Variants in TMEM232 observed in about 807,000 individuals in gnomAD.
TMEM232 encodes the protein transmembrane protein 232.
A neutral mutation model predicts 78.8 loss-of-function variants in TMEM232; 80 were observed. The observed-to-expected ratio is 1.01, with a 90% CI of 0.85 to 1.22. TMEM232 has a LOEUF of 1.22. TMEM232 is among the 50% of genes most tolerant of loss of function. TMEM232 has a pLI of 0.00. For missense variants in TMEM232, 881 were observed against 742.2 expected (o/e 1.19, Z -2.17); for synonymous variants, 297 against 254.3 (o/e 1.17, Z -1.60).
chr5:110,591,286 G>T (rs1368581473), intron 10 of TMEM232, among the ~76,000 whole-genome samples: 15 of 151,838 alleles, frequency 9.9e-5, no homozygotes, highest in Admixed American at 9.9e-4. Flanking sequence ...GGCAAAACCT[G>T]GTCTCTACTA....
At chr5:110,516,397 G>GT in intron 12 of TMEM232, among the ~76,000 whole-genome samples, 1 of 152,266 alleles carries the variant, frequency 6.6e-6, no homozygotes, top group Non-Finnish European at 1.5e-5. Context: ...AGAAACCTCA[G>GT]AAGTAACAAA....
intron 2 of TMEM232, among the ~76,000 whole-genome samples, chr5:110,649,690 A>T (rs2150052282): frequency 6.6e-6 from 1 of 152,246 alleles, no homozygotes; most frequent in South Asian, 2.1e-4. Flanking sequence ...CCTAACTACT[A>T]GCATTCCTGA....
intron 12 of TMEM232, among the ~76,000 whole-genome samples, chr5:110,507,216 AT>A (rs1222619786): frequency 6.6e-6 from 1 of 152,146 alleles, no homozygotes; most frequent in African/African-American, 2.4e-5. Flanking sequence ...GTTGTGAATT[AT>A]TTTGTGTGAC....
At chr5:110,699,442 T>A (rs1347487347) in intron 1 of TMEM232, among the ~76,000 whole-genome samples, 1 of 152,140 alleles carries the variant, frequency 6.6e-6, no homozygotes, top group East Asian at 1.9e-4. Context: ...CCAACATCAT[T>A]AAAAATGAAA....
chr5:110,704,588 G>A (rs1414012653), intron 1 of TMEM232, among the ~76,000 whole-genome samples: 1 of 151,864 alleles, frequency 6.6e-6, no homozygotes, highest in Non-Finnish European at 1.5e-5. Context: ...CCTCTTACTA[G>A]GAAACCACTA....
intron 12 of TMEM232, among the ~76,000 whole-genome samples, chr5:110,435,672 G>A (rs1378814579): frequency 6.6e-6 from 1 of 151,438 alleles, no homozygotes; most frequent in East Asian, 1.9e-4. Flanking sequence ...CAATTGTTTT[G>A]ATTTTTAGAT....
intron 11 of TMEM232, among the ~76,000 whole-genome samples, chr5:110,558,777 C>T (rs1775412180): frequency 6.6e-6 from 1 of 152,180 alleles, no homozygotes; most frequent in African/African-American, 2.4e-5. Flanking sequence ...ACTCTCCAAG[C>T]AACTATCTCT....
chr5:110,450,333 G>C (rs1760130908), intron 12 of TMEM232, among the ~76,000 whole-genome samples: 1 of 151,756 alleles, frequency 6.6e-6, no homozygotes, highest in Admixed American at 6.6e-5. Context: ...TAGCTGCCTG[G>C]AGCTGTTTTT....
chr5:110,465,845 A>T (rs1762017240), intron 12 of TMEM232, among the ~76,000 whole-genome samples: 1 of 152,176 alleles, frequency 6.6e-6, no homozygotes, highest in Non-Finnish European at 1.5e-5. Context: ...TTCATTTATT[A>T]AGTTAGTTCT....
At chr5:110,503,352 G>T (rs968709932) in intron 12 of TMEM232, among the ~76,000 whole-genome samples, 2 of 152,128 alleles carry the variant, frequency 1.3e-5, no homozygotes, top group African/African-American at 2.4e-5. Context: ...GTTAATCCAA[G>T]AATGAATTTT....
rs1036594 is a variant in TMEM232, at chr5:110,526,333, T to C, written c.1703+2255A>G. Reference sequence around the variant, plus strand: ...CTCTTACCATAGACAGAGAGTCGCATAGATTAATAGATATATAGTCCCAGG... The same window carrying C: ...CTCTTACCATAGACAGAGAGTCGCACAGATTAATAGATATATAGTCCCAGG... On this transcript the variant is annotated intron_variant, in intron 12 of 13. Coordinates refer to ENST00000455884, the MANE Select transcript of TMEM232 (RefSeq NM_001039763.4). Among the ~76,000 whole-genome samples, 1,146 of 150,974 alleles carry C rather than the reference T, an allele frequency of 7.6e-3. 13 individuals carry two copies. The highest frequency in any genetic ancestry group is 0.013 in the Non-Finnish European group (907 of 67,630).
chr5:110,469,190 G>A (rs904297643), intron 12 of TMEM232, among the ~76,000 whole-genome samples: 2 of 152,092 alleles, frequency 1.3e-5, no homozygotes, highest in East Asian at 1.9e-4. Flanking sequence ...TGTGCCCCTC[G>A]CTCAGTGGCC....
chr5:110,614,135 G>A lies in TMEM232; in HGVS notation c.902+4294C>T, dbSNP rs114251629. Reference sequence around the variant, plus strand: ...TTCCTTTCTATTATGAGCAGTCATTGTATTTTTCACTTTACTCTTCTGTTC... The same window carrying A: ...TTCCTTTCTATTATGAGCAGTCATTATATTTTTCACTTTACTCTTCTGTTC... On this transcript the variant is annotated intron_variant, in intron 8 of 13. Transcript: ENST00000455884. Among the ~76,000 whole-genome samples the A allele has an allele frequency of 6.9e-3, 1,051 of 152,128 alleles. 14 individuals carry two copies. Among genetic ancestry groups the A allele is most frequent in the African/African-American group, 0.024 (1,002 of 41,538 alleles).
chr5:110,698,566 C>A (rs1057290306), intron 1 of TMEM232, among the ~76,000 whole-genome samples: 9 of 152,196 alleles, frequency 5.9e-5, no homozygotes, highest in Non-Finnish European at 8.8e-5. Context: ...GAACTCAGTT[C>A]TTGGTACCAG....
chr5:110,729,862 T>C (rs1222010040), upstream of TMEM232, among the ~76,000 whole-genome samples: 1 of 152,166 alleles, frequency 6.6e-6, no homozygotes, highest in African/African-American at 2.4e-5. Context: ...AAGTAACAAA[T>C]TGAGTTTCTG....
intron 2 of TMEM232, among the ~76,000 whole-genome samples, chr5:110,407,453 G>A (rs1408914570): frequency 6.6e-6 from 1 of 152,060 alleles, no homozygotes; most frequent in African/African-American, 2.4e-5. Context: ...TATTGATAAA[G>A]GGGTCAATTT....
chr5:110,423,797 G>T (rs1198941429), intron 13 of TMEM232, among the ~76,000 whole-genome samples: 14 of 151,722 alleles, frequency 9.2e-5, no homozygotes, highest in Admixed American at 9.2e-4. Flanking sequence ...GTGTGTGTGT[G>T]TGTGTGTGTG....
chr5:110,581,305 G>A (rs1279884068), intron 10 of TMEM232, among the ~76,000 whole-genome samples: 3 of 151,864 alleles, frequency 2.0e-5, no homozygotes, highest in Non-Finnish European at 4.4e-5. Context: ...CATGGTACTA[G>A]TACAAAAACA....
At chr5:110,657,674 C>G (rs1243306468) in intron 2 of TMEM232, among the ~76,000 whole-genome samples, 2 of 151,950 alleles carry the variant, frequency 1.3e-5, no homozygotes, top group Non-Finnish European at 2.9e-5. Context: ...TTTTCGTGTT[C>G]TATTACACAG....
Sources: gnomAD v4.1 joint callset for allele counts (sites outside exome capture counted in the v4.1 genomes callset) on GRCh38, gnomAD v4.1.1 for gene constraint, MANE v1.5 for transcripts, NCBI Gene and HGNC (gene_info 2026-07-23, HGNC 2026-07-21) for gene names.